The following TGFBR3 variants were observed in gnomAD, a reference collection of about 807,000 sequenced individuals.
TGFBR3 encodes transforming growth factor beta receptor type 3.
Under a neutral mutation model 87.9 loss-of-function variants are expected in TGFBR3, and 46 were observed. That is an observed-to-expected ratio of 0.52 (90% confidence interval 0.41 to 0.67). The LOEUF (loss-of-function observed/expected upper bound fraction) is 0.67. TGFBR3 is among the 30% of genes least tolerant of loss of function. TGFBR3 has a pLI of 0.00. For synonymous variants in TGFBR3, 381 were observed against 391.6 expected (o/e 0.97, Z 0.32); for missense variants, 866 against 1,041.9 (o/e 0.83, Z 2.32).
At chr1:91,709,095 G>A (rs11165293) in intron 13 of TGFBR3, among the ~76,000 whole-genome samples, 20,002 of 152,044 alleles carry the variant, frequency 0.13, 1,583 homozygotes, top group East Asian at 0.39. Context: ...AAAACTATAT[G>A]CCTAGTGTTG....
chr1:91,748,747 T>G (rs1288675924), intron 4 of TGFBR3, among the ~76,000 whole-genome samples: 1 of 151,610 alleles, frequency 6.6e-6, no homozygotes, highest in African/African-American at 2.4e-5. Flanking sequence ...TTATTATTAT[T>G]ATTATTGCTA....
In TGFBR3 at chr1:91,680,469, G is replaced by T. The variant is rs765639657; in HGVS notation, c.*3270C>A. The stretch of plus-strand genomic sequence containing the variant: ...ACTGAACAGAGAAAAGAATACAACA[G>T]GGGTGTTCAAACTGGCCACAGGGAT... On this transcript the variant is annotated 3_prime_UTR_variant, in exon 17 of 17. Coordinates refer to ENST00000212355, the MANE Select transcript of TGFBR3 (RefSeq NM_003243.5). 2.2e-6 allele frequency: 1 copy of T among 453,996 alleles called. No homozygotes were observed. The highest frequency in any genetic ancestry group is 4.4e-6 in the Non-Finnish European group (1 of 226,780). 28.1% of individuals were successfully genotyped at this position (453,996 alleles called of 1,614,324 possible).
At chr1:91,865,574 G>C (rs12402298) in intron 1 of TGFBR3, among the ~76,000 whole-genome samples, 83,045 of 151,514 alleles carry the variant, frequency 0.55, 22,980 homozygotes, top group Middle Eastern at 0.64. Flanking sequence ...GGTGAACTTT[G>C]ATGAACTGAA....
intron 2 of TGFBR3, among the ~76,000 whole-genome samples, chr1:91,898,101 A>C (rs1418099944): frequency 6.6e-6 from 1 of 152,100 alleles, no homozygotes; most frequent in East Asian, 1.9e-4. Context: ...GTACAGGAAA[A>C]AAAGAAAAAA....
At chr1:91,711,851 G>A (rs955649263) in intron 13 of TGFBR3, among the ~76,000 whole-genome samples, 2 of 152,150 alleles carry the variant, frequency 1.3e-5, no homozygotes, top group African/African-American at 4.8e-5. Flanking sequence ...ACACAGAAAA[G>A]GTTAAAAAAC....
At position 91,705,957 on chromosome 1, in the gene TGFBR3, G is replaced by T. The variant is rs1184225519; in HGVS notation, c.2287+2706C>A. Among the ~76,000 whole-genome samples the T allele has an allele frequency of 2.0e-5, 3 of 152,244 alleles. No homozygotes were observed. The East Asian group carries it at 5.8e-4, about 29-fold the overall frequency. On this transcript the variant is annotated intron_variant, in intron 14 of 16. Coordinates refer to ENST00000212355, the MANE Select transcript of TGFBR3 (RefSeq NM_003243.5). ...AAAAGTAATTACCTAATTTGCAAGA[G>T]AAATTACTTAGAAAAATGTCACCAG...
At position 91,738,260 on chromosome 1, in the gene TGFBR3, T is replaced by C. The variant is rs183091634; in HGVS notation, c.385-3301A>G. Among the ~76,000 whole-genome samples, 236 of 152,340 alleles carry C rather than the reference T, an allele frequency of 1.5e-3. 1 individual carries two copies. The highest frequency in any genetic ancestry group is 5.2e-3 in the African/African-American group (218 of 41,576). ...TGAACACTGCATGAAGCATCCACAT[T>C]AGCTTTGGCATCAGCTGAACCCTGC... On this transcript the variant is annotated intron_variant, in intron 4 of 16. Transcript: ENST00000212355.
At chr1:91,902,886 C>A (rs544163271) in intron 1 of TGFBR3, among the ~76,000 whole-genome samples, 24 of 152,082 alleles carry the variant, frequency 1.6e-4, no homozygotes, top group African/African-American at 5.5e-4. Context: ...CTCTCCAACC[C>A]CTTTTCCCTG....
At chr1:91,903,945 G>A (rs1167834134) in intron 1 of TGFBR3, among the ~76,000 whole-genome samples, 3 of 152,072 alleles carry the variant, frequency 2.0e-5, no homozygotes, top group Non-Finnish European at 2.9e-5. Flanking sequence ...AGGCCTAGGC[G>A]GGCAGACTGC....
chr1:91,714,521 A>C (rs1385648587), intron 12 of TGFBR3, among the ~76,000 whole-genome samples: 3 of 152,102 alleles, frequency 2.0e-5, no homozygotes, highest in African/African-American at 7.3e-5. Context: ...GTGATATATG[A>C]AAAGGTATAA....
intron 3 of TGFBR3, among the ~76,000 whole-genome samples, chr1:91,786,514 G>C (rs1674967090): frequency 6.6e-6 from 1 of 152,200 alleles, no homozygotes; most frequent in Admixed American, 6.5e-5. Flanking sequence ...ACTTTGGGAG[G>C]CTGAGATGGA....
At chr1:91,688,806 G>T (rs183082212) in intron 16 of TGFBR3, among the ~76,000 whole-genome samples, 36 of 152,090 alleles carry the variant, frequency 2.4e-4, no homozygotes, top group Non-Finnish European at 4.6e-4. Context: ...TAGCTCGGGA[G>T]GTGCCAATGT....
chr1:91,731,304 C>T (rs1036564340), intron 5 of TGFBR3, among the ~76,000 whole-genome samples: 1 of 152,082 alleles, frequency 6.6e-6, no homozygotes, highest in African/African-American at 2.4e-5. Context: ...TGCTGAGGTC[C>T]GCAGCACACA....
rs183193621 is a variant in TGFBR3 at position 91,882,188 on chromosome 1, G to A, written c.-114+3690C>T. 4.9e-5 allele frequency among the ~76,000 whole-genome samples: 7 copies of A among 143,092 alleles called. No homozygotes were observed. The East Asian group carries it at 6.3e-4, about 13-fold the overall frequency. 93.9% of individuals were successfully genotyped at this position (143,092 alleles called of 152,430 possible). The stretch of plus-strand genomic sequence containing the variant: ...GAACCTCGCTGTCTGCCAGGCTGGC[G>A]TGCAGTGGCACGATCTCAGCTCACT... On this transcript the variant is annotated intron_variant, in intron 1 of 16. Coordinates refer to ENST00000212355, the MANE Select transcript of TGFBR3 (RefSeq NM_003243.5).
At chr1:91,808,916 C>T (rs999483098) in intron 2 of TGFBR3, among the ~76,000 whole-genome samples, 11 of 152,164 alleles carry the variant, frequency 7.2e-5, no homozygotes, top group Admixed American at 4.6e-4. Flanking sequence ...AGAACAGAGA[C>T]CAAGAACAAA....
At chr1:91,863,628 CT>C (rs1305131068) in intron 1 of TGFBR3, among the ~76,000 whole-genome samples, 2 of 152,180 alleles carry the variant, frequency 1.3e-5, no homozygotes, top group African/African-American at 4.8e-5. Context: ...TAATTCTTAG[CT>C]ACTGTAAATC....
chr1:91,751,118 C>A (rs1002862292), intron 4 of TGFBR3, among the ~76,000 whole-genome samples: 1 of 152,252 alleles, frequency 6.6e-6, no homozygotes, highest in Non-Finnish European at 1.5e-5. Flanking sequence ...CAAGCACATA[C>A]ATAAACCATC....
chr1:91,848,473 CCACCTCTGGCAAAACCACT>C (rs1399169435), intron 2 of TGFBR3, among the ~76,000 whole-genome samples: 9 of 152,282 alleles, frequency 5.9e-5, no homozygotes, highest in Non-Finnish European at 7.4e-5. Flanking sequence ...ATGGTATATT[CCACCTCTGGCAAAACCACT>C]CACCTCTGGC....
intron 1 of TGFBR3, among the ~76,000 whole-genome samples, chr1:91,903,421 A>G (rs1679775604): frequency 6.7e-6 from 1 of 149,418 alleles, no homozygotes; most frequent in African/African-American, 2.5e-5. Flanking sequence ...TCAGATAATG[A>G]TTGTTGATGG....
Sources: allele counts gnomAD v4.1 joint callset (sites outside exome capture counted in the v4.1 genomes callset), GRCh38; gene constraint gnomAD v4.1.1; transcripts MANE v1.5; gene names NCBI Gene and HGNC (gene_info 2026-07-23, HGNC 2026-07-21).